TRPA1: variants seen among roughly 807,000 people sequenced by gnomAD.
The protein encoded by TRPA1 is ankyrin-like with transmembrane domains 1.
In TRPA1, 129 loss-of-function variants were observed where a neutral mutation model predicts 131.3. The ratio of observed to expected loss-of-function variants is 0.98; its 90% CI spans 0.85 to 1.14. The LOEUF is 1.14. Among genes scored for constraint, TRPA1 ranks in the 50% most tolerant of loss-of-function variants. TRPA1 has a pLI of 0.00. For synonymous variants in TRPA1, 441 were observed against 451.7 expected (o/e 0.98, Z 0.30); for missense variants, 1,304 against 1,354.2 (o/e 0.96, Z 0.58).
intron 24 of TRPA1, among the ~76,000 whole-genome samples, chr8:72,028,613 G>A (rs1679907520): frequency 6.6e-6 from 1 of 152,164 alleles, no homozygotes; most frequent in South Asian, 2.1e-4. Flanking sequence ...ATAATATACA[G>A]CCATGTCATA....
chr8:72,057,635 A>G, intron 9 of TRPA1, 82 bp downstream of exon 9: 1 of 1,044,008 alleles, frequency 9.6e-7, no homozygotes, highest in Non-Finnish European at 1.5e-6. Flanking sequence ...CACACAATGA[A>G]TGTTCATTTG....
At chr8:72,084,175 TATG>T in the TRPA1 span, among the ~76,000 whole-genome samples, 2 of 152,314 alleles carry the variant, frequency 1.3e-5, no homozygotes, top group East Asian at 1.9e-4. Flanking sequence ...ACCATTAAAA[TATG>T]ATGTATTTTA....
intron 24 of TRPA1, among the ~76,000 whole-genome samples, chr8:72,029,527 T>C (rs192588361): frequency 1.3e-5 from 2 of 152,366 alleles, no homozygotes; most frequent in East Asian, 3.9e-4. Context: ...ATGGTGTTAA[T>C]TCCAGTAAGT....
At chr8:72,024,878 T>C (rs1232637613) in intron 25 of TRPA1, among the ~76,000 whole-genome samples, 4 of 152,112 alleles carry the variant, frequency 2.6e-5, no homozygotes, top group Non-Finnish European at 5.9e-5. Flanking sequence ...CCTAGACTGA[T>C]ACTCAGGGTG....
At chr8:72,060,480 CT>C (rs1424064685) in intron 7 of TRPA1, 1 of 152,060 alleles carries the variant, frequency 6.6e-6, no homozygotes, top group Non-Finnish European at 1.5e-5. Context: ...ATTTCAATGG[CT>C]TTTTTAACTT....
chr8:72,030,628 G>A (rs180877790), intron 23 of TRPA1, among the ~76,000 whole-genome samples: 1 of 152,240 alleles, frequency 6.6e-6, no homozygotes, highest in East Asian at 1.9e-4. Context: ...TTAAATGAGA[G>A]GGATGATGTG....
chr8:72,040,201 C>T (rs186983323), intron 17 of TRPA1, among the ~76,000 whole-genome samples: 14 of 152,200 alleles, frequency 9.2e-5, no homozygotes, highest in African/African-American at 3.4e-4. Context: ...TTCAATTAAT[C>T]TAGATCATAA....
rs1042799938 is a variant in TRPA1 at position 72,057,815 on chromosome 8, C to A, written c.995G>T (p.Gly332Val). The A allele has an allele frequency of 1.9e-6, 3 of 1,610,388 alleles. No homozygotes were observed. The highest frequency in any genetic ancestry group is 1.1e-5 in the South Asian group (1 of 90,988). ...AGAATCGATCTTATTAATATCTGCTCCCTAAAAATCAAACAAACCATTCAA... is the reference window on the plus strand; with the variant it reads ...AGAATCGATCTTATTAATATCTGCTACCTAAAAATCAAACAAACCATTCAA... ...HELADYLISV[G>V]ADINKIDSEG... The change falls in exon 9 of 27, where the codon GGA (glycine) becomes GTA (valine). Residue 332 changes from glycine to valine, a missense_variant and splice_region_variant. By Grantham distance (109) the Gly-to-Val change is moderately radical (BLOSUM62 -3). Coordinates refer to ENST00000262209, the MANE Select transcript of TRPA1 (RefSeq NM_007332.3).
intron 8 of TRPA1, 57 bp downstream of exon 8, chr8:72,059,333 T>C (rs962533962): frequency 1.7e-6 from 2 of 1,149,362 alleles, no homozygotes; most frequent in Admixed American, 4.3e-5. Context: ...TATGTAATTA[T>C]ACGATTTCTT....
intron 25 of TRPA1, 33 bp from the exon 26 acceptor site, chr8:72,023,944 GA>G (rs1245828971): frequency 7.1e-7 from 1 of 1,417,434 alleles, no homozygotes; most frequent in Admixed American, 1.7e-5. Context: ...TACTCAAATT[GA>G]ATTCAATTCA....
At chr8:72,029,589 A>T (rs1204358481) in intron 24 of TRPA1, 2 of 457,678 alleles carry the variant, frequency 4.4e-6, no homozygotes, top group African/African-American at 3.9e-5. Context: ...TTGACTCATG[A>T]TTTTTGACTT....
In TRPA1 at chr8:72,053,850, G is replaced by A. The variant is rs1356530420; in HGVS notation, c.1547C>T (p.Thr516Ile). 6.2e-7 allele frequency: 1 copy of A among 1,611,564 alleles called. No homozygotes were observed. The highest frequency in any genetic ancestry group is 8.5e-7 in the Non-Finnish European group (1 of 1,179,570). Residue 516 changes from threonine to isoleucine, a missense_variant, in exon 13 of 27, where the codon ACA becomes ATA. By Grantham distance (89) the Thr-to-Ile change is moderately conservative. Transcript: ENST00000262209. ...ALFLSDHNGW[T>I]ALHHASMGGY... is the part of the protein sequence containing the mutation. ...GCCCATGGACGCATGATGCAAAGCT[G>A]TCCAGCCATTGTGGTCACTGGTAAA...
chr8:72,077,298 G>C (rs553875230), upstream of TRPA1, among the ~76,000 whole-genome samples: 5,565 of 145,962 alleles, frequency 0.038, 378 homozygotes, highest in African/African-American at 0.13. Flanking sequence ...GGTGGGGGGG[G>C]GGGCAGCGTG....
At chr8:72,065,745 G>T (rs1038448021) in intron 3 of TRPA1, among the ~76,000 whole-genome samples, 187 bp from the exon 4 acceptor site, 1 of 152,118 alleles carries the variant, frequency 6.6e-6, no homozygotes, top group Admixed American at 6.5e-5. Context: ...CCCATTAGAT[G>T]AAATAATCAT....
intron 2 of TRPA1, among the ~76,000 whole-genome samples, chr8:72,070,306 A>T (rs1373931164): frequency 3.3e-5 from 5 of 151,996 alleles, no homozygotes; most frequent in African/African-American, 1.2e-4. Flanking sequence ...TCATTCATCT[A>T]AGTGTTTCAT....
intron 2 of TRPA1, among the ~76,000 whole-genome samples, chr8:72,071,400 T>G (rs1260169705): frequency 3.9e-5 from 6 of 152,208 alleles, no homozygotes; most frequent in African/African-American, 9.7e-5. Flanking sequence ...AATTTAAATG[T>G]AAAATAACCT....
upstream of TRPA1, among the ~76,000 whole-genome samples, chr8:72,077,580 A>T (rs1472970099): frequency 1.3e-5 from 2 of 152,218 alleles, no homozygotes; most frequent in African/African-American, 2.4e-5. Flanking sequence ...TTTAATTTTT[A>T]AAAAATATTA....
intron 23 of TRPA1, among the ~76,000 whole-genome samples, chr8:72,032,451 C>T (rs1811862024): frequency 2.0e-5 from 3 of 152,176 alleles, no homozygotes; most frequent in South Asian, 2.1e-4. Context: ...GAAATAGAGA[C>T]TATCTGCCAA....
Position 72,055,269 on chromosome 8 carries a change from C to T in TRPA1, c.1529+167G>A, listed in dbSNP as rs577283493. On this transcript the variant is annotated intron_variant, in intron 12 of 26. Transcript: ENST00000262209. ...TCAGTTGGAAATAATACTGACTTCC[C>T]TTTCAGTATTTTTAGAAGTTACATA... 1.9e-3 allele frequency: 1,211 copies of T among 636,302 alleles called. 5 individuals are homozygous for T. Among genetic ancestry groups the T allele is most frequent in the Middle Eastern group, 0.013 (31 of 2,322 alleles). The allele number at this position is 636,302 out of a possible 1,614,324, so 39.4% of individuals were successfully genotyped here.
Sources: gnomAD v4.1 joint callset for allele counts (sites outside exome capture counted in the v4.1 genomes callset) on GRCh38, gnomAD v4.1.1 for gene constraint, MANE v1.5 for transcripts, NCBI Gene and HGNC (gene_info 2026-07-23, HGNC 2026-07-21) for gene names.